Variants in PDE7A observed in about 807,000 individuals in gnomAD.
PDE7A encodes high affinity 3',5'-cyclic-AMP phosphodiesterase 7A.
A neutral mutation model predicts 64.3 loss-of-function variants in PDE7A; 39 were observed. The observed-to-expected ratio is 0.61, with a 90% confidence interval of 0.47 to 0.79. PDE7A has a LOEUF of 0.79. PDE7A is among the 30% of genes least tolerant of loss of function. The probability of loss-of-function intolerance (pLI) is 0.00; values close to 1 mark genes in which losing one functional copy is unlikely to be tolerated. For missense variants in PDE7A, 470 were observed against 582.8 expected, an observed-to-expected ratio of 0.81 and a Z score of 1.99; for synonymous variants, 203 against 206.8, an observed-to-expected ratio of 0.98 and a Z score of 0.16.
chr8:65,742,383 A>G (rs1311792101), intron 5 of PDE7A, among the ~76,000 whole-genome samples: 3 of 152,134 alleles, frequency 2.0e-5, no homozygotes, highest in East Asian at 3.9e-4. Context: ...AACTCCCTCA[A>G]TCCTACAAAA....
At chr8:65,787,583 G>A (rs1474827904) in intron 1 of PDE7A, among the ~76,000 whole-genome samples, 1 of 151,904 alleles carries the variant, frequency 6.6e-6, no homozygotes, top group Non-Finnish European at 1.5e-5. Context: ...TTTTTCAACA[G>A]TTTTTTTAAA....
chr8:65,841,124 G>A (rs986735327), intron 1 of PDE7A, among the ~76,000 whole-genome samples: 2 of 152,206 alleles, frequency 1.3e-5, no homozygotes, highest in South Asian at 2.1e-4. Flanking sequence ...AGAGGGTGAC[G>A]AGCCTGGGGA....
At chr8:65,724,499 G>A (rs537219680) in intron 10 of PDE7A, 148 bp from the exon 11 acceptor site, 8 of 610,938 alleles carry the variant, frequency 1.3e-5, no homozygotes, top group South Asian at 9.6e-5. Flanking sequence ...AAGAATTTAT[G>A]AGAATAAAAT....
At chr8:65,767,306 C>A (rs1364881840) in intron 3 of PDE7A, among the ~76,000 whole-genome samples, 3 of 152,140 alleles carry the variant, frequency 2.0e-5, no homozygotes, top group Non-Finnish European at 4.4e-5. Context: ...GATACATTTC[C>A]AACTGCATGA....
rs536110544 is a variant in PDE7A, at chr8:65,716,195, T to C, written c.*3095A>G. On this transcript the variant is annotated 3_prime_UTR_variant, in exon 13 of 13. Transcript: ENST00000401827. ...GGCTATAGAAGGTGATTCCCACATA[T>C]ACATAATAAAACAACTTTTCAATGG... Among the ~76,000 whole-genome samples the C allele has an allele frequency of 6.6e-6, 1 of 150,504 alleles. No individual in the cohort carries two copies. Among genetic ancestry groups the C allele is most frequent in the East Asian group, 2.0e-4 (1 of 5,092 alleles).
chr8:65,805,216 T>C (rs147682830), intron 1 of PDE7A, among the ~76,000 whole-genome samples: 1,590 of 152,300 alleles, frequency 0.01, 23 homozygotes, highest in South Asian at 0.015. Flanking sequence ...TTATGGGTGA[T>C]GACTAATATA....
At chr8:65,790,338 A>G (rs945912364) in intron 1 of PDE7A, among the ~76,000 whole-genome samples, 3 of 152,152 alleles carry the variant, frequency 2.0e-5, no homozygotes, top group African/African-American at 7.2e-5. Flanking sequence ...TTGGTCAAGT[A>G]TAGGGAGGTG....
At chr8:65,780,680 C>T (rs1809389304) in intron 2 of PDE7A, among the ~76,000 whole-genome samples, 1 of 152,202 alleles carries the variant, frequency 6.6e-6, no homozygotes, top group Non-Finnish European at 1.5e-5. Flanking sequence ...TGCCACAAAG[C>T]TAGTACAAAG....
chr8:65,768,091 G>C (rs1001480478), intron 3 of PDE7A, among the ~76,000 whole-genome samples: 2 of 152,122 alleles, frequency 1.3e-5, no homozygotes, highest in Admixed American at 6.6e-5. Flanking sequence ...TTGGTGTGTT[G>C]GGAGAAACCC....
intron 1 of PDE7A, among the ~76,000 whole-genome samples, chr8:65,828,180 G>A (rs1209021048): frequency 1.3e-5 from 2 of 151,736 alleles, no homozygotes; most frequent in South Asian, 2.1e-4. Flanking sequence ...GTAGGAAGAT[G>A]GTAAAAATTA....
intron 1 of PDE7A, among the ~76,000 whole-genome samples, chr8:65,837,379 TG>T (rs1321780370): frequency 6.6e-6 from 1 of 152,200 alleles, no homozygotes. Flanking sequence ...CCAAAATGCT[TG>T]GGATCAGGAG....
At chr8:65,727,347 A>C in intron 7 of PDE7A, 46 bp from the exon 8 acceptor site, 4 of 1,608,716 alleles carry the variant, frequency 2.5e-6, no homozygotes, top group African/African-American at 1.3e-5. Context: ...TATCTAAAAT[A>C]AGCTCTACGC....
chr8:65,774,271 A>T (rs1476957019), intron 3 of PDE7A, among the ~76,000 whole-genome samples: 1 of 152,144 alleles, frequency 6.6e-6, no homozygotes, highest in African/African-American at 2.4e-5. Flanking sequence ...TCCTCATGCT[A>T]ATAAATATTT....
chr8:65,816,871 T>C (rs1238526050), intron 1 of PDE7A, among the ~76,000 whole-genome samples: 1 of 152,258 alleles, frequency 6.6e-6, no homozygotes, highest in African/African-American at 2.4e-5. Flanking sequence ...TGTAGTTTAA[T>C]GTTTTTCATC....
chr8:65,840,398 G>GCACACACACACACACA (rs746987926), intron 1 of PDE7A, among the ~76,000 whole-genome samples: 1 of 109,620 alleles, frequency 9.1e-6, no homozygotes, highest in African/African-American at 5.2e-5. Context: ...CACACTACCT[G>GCACACACACACACACA]CACACACACA....
At chr8:65,819,536 T>C (rs1254956140) in intron 1 of PDE7A, among the ~76,000 whole-genome samples, 1 of 152,254 alleles carries the variant, frequency 6.6e-6, no homozygotes, top group Admixed American at 6.5e-5. Context: ...AGCATGTCCT[T>C]ACAAAGTTAT....
At chr8:65,803,754 G>A (rs1810048898) in intron 1 of PDE7A, among the ~76,000 whole-genome samples, 1 of 152,034 alleles carries the variant, frequency 6.6e-6, no homozygotes, top group African/African-American at 2.4e-5. Flanking sequence ...TTTGAAATAT[G>A]CTTATATATA....
At chr8:65,724,409 A>G in intron 10 of PDE7A, 58 bp from the exon 11 acceptor site, 1 of 1,151,426 alleles carries the variant, frequency 8.7e-7, no homozygotes, top group Non-Finnish European at 1.3e-6. Flanking sequence ...CAATAATACC[A>G]AAGAACCAAG....
intron 1 of PDE7A, among the ~76,000 whole-genome samples, chr8:65,807,180 T>C (rs1236008446): frequency 6.6e-6 from 1 of 152,242 alleles, no homozygotes; most frequent in Non-Finnish European, 1.5e-5. Context: ...TGGGACATTC[T>C]TCCATTTATT....
Sources: allele counts gnomAD v4.1 joint callset (sites outside exome capture counted in the v4.1 genomes callset), GRCh38; gene constraint gnomAD v4.1.1; transcripts MANE v1.5; gene names NCBI Gene and HGNC (gene_info 2026-07-23, HGNC 2026-07-21).